SLC24A4: variants seen among roughly 807,000 people sequenced by gnomAD.
SLC24A4 encodes sodium/potassium/calcium exchanger 4.
In SLC24A4, 53 loss-of-function variants were observed where a neutral mutation model predicts 79.0. That is an observed-to-expected ratio of 0.67 (90% CI 0.54 to 0.84). SLC24A4 has a LOEUF of 0.84. Ranked by LOEUF, SLC24A4 falls within the 40% of genes least tolerant of loss-of-function variation. The probability of loss-of-function intolerance (pLI) is 0.00; values close to 1 mark genes in which losing one functional copy is unlikely to be tolerated. For missense variants in SLC24A4, 731 were observed against 822.0 expected, an observed-to-expected ratio of 0.89 and a Z score of 1.35; for synonymous variants, 323 against 323.8, an observed-to-expected ratio of 1.00 and a Z score of 0.03.
At chr14:92,403,100 A>T (rs1214568274) in intron 2 of SLC24A4, among the ~76,000 whole-genome samples, 1 of 152,050 alleles carries the variant, frequency 6.6e-6, no homozygotes, top group East Asian at 1.9e-4. Context: ...GGGGACAGGG[A>T]GTTGAGAAGA....
rs549602205 is a variant in SLC24A4, at chr14:92,441,006, G to A, written c.394-1083G>A. 1.3e-5 allele frequency among the ~76,000 whole-genome samples: 2 copies of A among 152,048 alleles called. No individual in the cohort carries two copies. The highest frequency in any genetic ancestry group is 2.4e-5 in the African/African-American group (1 of 41,378). ...GTGGCAGAGCCTCTTCTGTGGAACC[G>A]TGCTTTTTGGCAGGGTTAAGGTGGC... is the stretch of plus-strand genomic sequence containing the variant. On this transcript the variant is annotated intron_variant, in intron 4 of 16. Coordinates refer to ENST00000532405, the MANE Select transcript of SLC24A4 (RefSeq NM_153646.4). This position sits in a 1 kb window ranked among gnomAD's most constrained non-coding sequence, Gnocchi z 4.6.
chr14:92,354,134 C>T (rs1168964863), intron 2 of SLC24A4, among the ~76,000 whole-genome samples: 1 of 151,924 alleles, frequency 6.6e-6, no homozygotes, highest in East Asian at 1.9e-4. Context: ...CAAGCCTTGC[C>T]AGGTGATCGT....
intron 2 of SLC24A4, among the ~76,000 whole-genome samples, chr14:92,356,483 C>T (rs1302576211): frequency 1.3e-5 from 2 of 152,280 alleles, no homozygotes; most frequent in East Asian, 3.9e-4. Context: ...GAAGCCAGAA[C>T]TCCTGAATTT....
intron 2 of SLC24A4, among the ~76,000 whole-genome samples, chr14:92,395,757 G>A (rs187491233): frequency 5.3e-5 from 8 of 152,308 alleles, no homozygotes; most frequent in South Asian, 2.1e-4. Context: ...CTTGGAGGAA[G>A]CATGCTTTAG....
chr14:92,410,610 G>GC (rs1372497106), intron 2 of SLC24A4, among the ~76,000 whole-genome samples: 3 of 152,152 alleles, frequency 2.0e-5, no homozygotes, highest in African/African-American at 7.2e-5. Flanking sequence ...TGTGTGCCAG[G>GC]CCCTCTCCCA....
chr14:92,454,174 A>T (rs1452784903), intron 11 of SLC24A4, 105 bp downstream of exon 11: 6 of 1,261,732 alleles, frequency 4.8e-6, no homozygotes, highest in Non-Finnish European at 6.5e-6. Context: ...CTGTTTAAGG[A>T]AGGATGCCCT....
At chr14:92,433,205 G>A (rs963353738) in intron 2 of SLC24A4, among the ~76,000 whole-genome samples, 10 of 152,116 alleles carry the variant, frequency 6.6e-5, no homozygotes, top group Admixed American at 5.2e-4. Flanking sequence ...GAATTCATTC[G>A]TGTATACCTC....
intron 2 of SLC24A4, among the ~76,000 whole-genome samples, chr14:92,390,873 A>G (rs1198723067): frequency 6.6e-6 from 1 of 152,194 alleles, no homozygotes; most frequent in Non-Finnish European, 1.5e-5. Flanking sequence ...GGGTCTTAGC[A>G]CAATAAAGGT....
chr14:92,388,323 C>T (rs1203728614), intron 2 of SLC24A4, among the ~76,000 whole-genome samples: 11 of 152,170 alleles, frequency 7.2e-5, no homozygotes, highest in Admixed American at 7.2e-4. Context: ...CCCTTCGCAC[C>T]TCGAGACGGA....
chr14:92,493,827 C>A lies in SLC24A4; in HGVS notation c.*199C>A. On this transcript the variant is annotated 3_prime_UTR_variant, in exon 17 of 17. Transcript: ENST00000532405. ...GGCATCCTCCTCCTCCTTGGAGTTCCGCCCCTGCAAGGCTGGATTTGGGGG... is the reference window on the plus strand; with the variant it reads ...GGCATCCTCCTCCTCCTTGGAGTTCAGCCCCTGCAAGGCTGGATTTGGGGG... 3.1e-6 allele frequency: 2 copies of A among 654,390 alleles called. 1 individual carries two copies. Among genetic ancestry groups the A allele is most frequent in the South Asian group, 4.0e-5 (2 of 49,400 alleles). 40.5% of individuals were successfully genotyped at this position (654,390 alleles called of 1,614,324 possible). A position where few individuals can be genotyped will look rare whatever the true frequency, so the allele number is the denominator to read the frequency against.
intron 2 of SLC24A4, among the ~76,000 whole-genome samples, chr14:92,408,143 A>G (rs1890505337): frequency 2.1e-5 from 3 of 141,364 alleles, no homozygotes; most frequent in African/African-American, 7.8e-5. Context: ...TCATATGGTT[A>G]TATGTATGCT....
At chr14:92,433,842 A>G in intron 2 of SLC24A4, 70 bp from the exon 3 acceptor site, 3 of 1,341,284 alleles carry the variant, frequency 2.2e-6, no homozygotes, top group Non-Finnish European at 1.1e-6. Context: ...GTGAACTCTC[A>G]GAAGTCAAGT....
At chr14:92,326,173 C>G (rs1406655650) in intron 2 of SLC24A4, among the ~76,000 whole-genome samples, 195 bp downstream of exon 2, 1 of 152,220 alleles carries the variant, frequency 6.6e-6, no homozygotes, top group East Asian at 1.9e-4. Context: ...CAAGTGCTTT[C>G]TTTATCCAGC....
At chr14:92,325,016 G>A (rs772413994) in intron 1 of SLC24A4, among the ~76,000 whole-genome samples, 1 of 152,222 alleles carries the variant, frequency 6.6e-6, no homozygotes, top group Non-Finnish European at 1.5e-5. Context: ...TGAGACCCAG[G>A]AAGATTATTT....
intron 2 of SLC24A4, among the ~76,000 whole-genome samples, chr14:92,366,830 A>G (rs1203193513): frequency 3.3e-5 from 5 of 152,166 alleles, no homozygotes; most frequent in Non-Finnish European, 5.9e-5. Context: ...CAACCCTGGA[A>G]TAGGCGGGGA....
At chr14:92,354,342 G>C (rs148134114) in intron 2 of SLC24A4, among the ~76,000 whole-genome samples, 3,776 of 152,032 alleles carry the variant, frequency 0.025, 160 homozygotes, top group African/African-American at 0.086. Context: ...CAGTAGAGAC[G>C]GGGTTTCACT....
At chr14:92,488,732 G>A (rs567296718) in intron 14 of SLC24A4, among the ~76,000 whole-genome samples, 4 of 152,348 alleles carry the variant, frequency 2.6e-5, no homozygotes, top group African/African-American at 7.2e-5. Context: ...GGCCCTGGCC[G>A]ATGTTCAGCG....
intron 9 of SLC24A4, among the ~76,000 whole-genome samples, chr14:92,448,741 C>T (rs750091956): frequency 2.0e-5 from 3 of 152,128 alleles, no homozygotes; most frequent in Non-Finnish European, 2.9e-5. Context: ...ATGCCCCCTG[C>T]GAGCCTGCCC....
At chr14:92,400,862 T>A (rs1268646358) in intron 2 of SLC24A4, among the ~76,000 whole-genome samples, 1 of 152,228 alleles carries the variant, frequency 6.6e-6, no homozygotes, top group Non-Finnish European at 1.5e-5. Flanking sequence ...GAAAGAGCTT[T>A]TGTCAACACT....
Sources: allele counts gnomAD v4.1 joint callset (sites outside exome capture counted in the v4.1 genomes callset), GRCh38; gene constraint gnomAD v4.1.1; non-coding constraint Gnocchi (gnomAD v3.1); transcripts MANE v1.5; gene names NCBI Gene and HGNC (gene_info 2026-07-23, HGNC 2026-07-21).